SYN3: variants seen among roughly 807,000 people sequenced by gnomAD.
The protein encoded by SYN3 is synapsin-3.
SYN3 carries 35 observed loss-of-function variants against 65.8 expected under a neutral mutation model. The ratio of observed to expected loss-of-function variants is 0.53; its 90% CI spans 0.41 to 0.70. SYN3 has a LOEUF of 0.70. Ranked by LOEUF, SYN3 falls within the 30% of genes least tolerant of loss-of-function variation. The probability of loss-of-function intolerance (pLI) is 0.00; values close to 1 mark genes in which losing one functional copy is unlikely to be tolerated. For missense variants in SYN3, 680 were observed against 749.0 expected (o/e 0.91, Z 1.08); for synonymous variants, 270 against 292.9 (o/e 0.92, Z 0.80).
At position 32,671,912 on chromosome 22, in the gene SYN3, T is replaced by C. The variant is rs16990973; in HGVS notation, c.712-75176A>G. ...TTAGTGTATGCGGAGTCACATTTGTTCTCCAGAGCTTGTTGGATTGGATGA... is the reference window on the plus strand; with the variant it reads ...TTAGTGTATGCGGAGTCACATTTGTCCTCCAGAGCTTGTTGGATTGGATGA... On this transcript the variant is annotated intron_variant, in intron 6 of 13. Coordinates refer to ENST00000358763, the MANE Select transcript of SYN3 (RefSeq NM_003490.4). 3.0e-4 allele frequency among the ~76,000 whole-genome samples: 45 copies of C among 152,348 alleles called. No homozygotes were observed. The East Asian group carries it at 8.7e-3, about 29-fold the overall frequency.
chr22:32,924,761 A>G (rs752817195), intron 4 of SYN3, among the ~76,000 whole-genome samples: 2 of 152,226 alleles, frequency 1.3e-5, no homozygotes, highest in Admixed American at 6.5e-5. Flanking sequence ...AGAGAAATTT[A>G]TTCTCTCATG....
At chr22:32,693,780 C>T (rs773628420) in intron 6 of SYN3, among the ~76,000 whole-genome samples, 38 of 151,448 alleles carry the variant, frequency 2.5e-4, no homozygotes, top group Non-Finnish European at 4.7e-4. Flanking sequence ...TTAGTAGAGA[C>T]GGCATCTCAC....
intron 6 of SYN3, among the ~76,000 whole-genome samples, chr22:32,620,259 T>A (rs1265326105): frequency 6.6e-6 from 1 of 152,180 alleles, no homozygotes; most frequent in Non-Finnish European, 1.5e-5. Context: ...TAGAATATGG[T>A]GTCAAAAGTG....
chr22:32,602,735 C>CTTCCT, intron 6 of SYN3, among the ~76,000 whole-genome samples: 1 of 152,208 alleles, frequency 6.6e-6, no homozygotes, highest in East Asian at 1.9e-4. Context: ...GCTGAGATTA[C>CTTCCT]AGGCGTCAGC....
chr22:32,670,830 T>TA (rs1408046465), intron 6 of SYN3, among the ~76,000 whole-genome samples: 1 of 152,240 alleles, frequency 6.6e-6, no homozygotes, highest in Non-Finnish European at 1.5e-5. Flanking sequence ...ATGAGATGAA[T>TA]GTCTGGAGTA....
intron 13 of SYN3, among the ~76,000 whole-genome samples, chr22:32,516,078 A>G (rs527410334): frequency 3.4e-4 from 52 of 152,320 alleles, no homozygotes; most frequent in Admixed American, 1.9e-3. Flanking sequence ...GATTACAGGC[A>G]TGAGCCATCG....
At chr22:32,953,755 T>C (rs1313602645) in intron 3 of SYN3, among the ~76,000 whole-genome samples, 1 of 152,154 alleles carries the variant, frequency 6.6e-6, no homozygotes, top group African/African-American at 2.4e-5. Context: ...GCATCTTTAC[T>C]ATCCTTATCA....
intron 2 of SYN3, among the ~76,000 whole-genome samples, chr22:33,003,076 T>C (rs2053106564): frequency 6.6e-6 from 1 of 152,214 alleles, no homozygotes; most frequent in Non-Finnish European, 1.5e-5. Flanking sequence ...GCTTCTGCCA[T>C]GATTGTAAGT....
At chr22:32,597,672 G>A (rs2059222312) in intron 6 of SYN3, among the ~76,000 whole-genome samples, 2 of 152,194 alleles carry the variant, frequency 1.3e-5, no homozygotes, top group East Asian at 1.9e-4. Flanking sequence ...CGTGCTGAGC[G>A]ACTGCTCTGC....
At chr22:32,574,437 T>A (rs1374211369) in intron 7 of SYN3, among the ~76,000 whole-genome samples, 1 of 152,100 alleles carries the variant, frequency 6.6e-6, no homozygotes, top group Admixed American at 6.5e-5. Flanking sequence ...TATGATCACG[T>A]CACTGTACTC....
rs894189276 is a variant in SYN3 at position 32,775,225 on chromosome 22, G to A, written c.711+89690C>T. 3.3e-5 allele frequency among the ~76,000 whole-genome samples: 5 copies of A among 152,140 alleles called. No individual in the cohort carries two copies. In the East Asian group the frequency reaches 5.8e-4, roughly 18 times the overall value. ...GGTGGACTAGGGAGCAAGTTCTCTA[G>A]AGTTTCTTCTTATAAGGACACTAAT... On this transcript the variant is annotated intron_variant, in intron 6 of 13. Transcript: ENST00000358763.
chr22:32,592,204 G>A (rs1024686398), intron 7 of SYN3, among the ~76,000 whole-genome samples: 19 of 152,184 alleles, frequency 1.2e-4, no homozygotes, highest in Non-Finnish European at 2.5e-4. Flanking sequence ...GCTGTCTTAT[G>A]TACTGTGGAT....
intron 6 of SYN3, among the ~76,000 whole-genome samples, chr22:32,857,057 CTGTTG>C (rs2048389237): frequency 6.6e-6 from 1 of 152,178 alleles, no homozygotes; most frequent in Non-Finnish European, 1.5e-5. Flanking sequence ...ATCCATTCAT[CTGTTG>C]ATGGGCACTT....
intron 6 of SYN3, among the ~76,000 whole-genome samples, chr22:32,672,591 C>G (rs2147072174): frequency 6.6e-6 from 1 of 152,328 alleles, no homozygotes; most frequent in African/African-American, 2.4e-5. Flanking sequence ...TCTGATCTCT[C>G]CACAGGCTGC....
chr22:32,856,401 G>T (rs2048366726), intron 6 of SYN3, among the ~76,000 whole-genome samples: 1 of 152,096 alleles, frequency 6.6e-6, no homozygotes, highest in Non-Finnish European at 1.5e-5. Context: ...CATCTGGGGT[G>T]AAGGGGGCCC....
intron 4 of SYN3, among the ~76,000 whole-genome samples, chr22:32,904,885 T>C (rs1209052572): frequency 6.6e-6 from 1 of 152,230 alleles, no homozygotes; most frequent in African/African-American, 2.4e-5. Context: ...ATTCTTTGCA[T>C]GCAATGAATT....
At chr22:32,804,718 T>C (rs1230405687) in intron 6 of SYN3, among the ~76,000 whole-genome samples, 1 of 152,144 alleles carries the variant, frequency 6.6e-6, no homozygotes, top group Non-Finnish European at 1.5e-5. Flanking sequence ...TAAAAGGTGT[T>C]TCTATGGCAA....
At chr22:32,811,482 G>C (rs2046913452) in intron 6 of SYN3, among the ~76,000 whole-genome samples, 1 of 152,184 alleles carries the variant, frequency 6.6e-6, no homozygotes, top group Non-Finnish European at 1.5e-5. Flanking sequence ...GGGTCATATA[G>C]AGAGAGCTGA....
intron 6 of SYN3, among the ~76,000 whole-genome samples, chr22:32,684,183 T>C (rs930335357): frequency 6.6e-6 from 1 of 152,320 alleles, no homozygotes; most frequent in South Asian, 2.1e-4. Flanking sequence ...ATCACAGTTC[T>C]TCTGTGAAAT....
Sources: gnomAD v4.1 joint callset for allele counts (sites outside exome capture counted in the v4.1 genomes callset) on GRCh38, gnomAD v4.1.1 for gene constraint, MANE v1.5 for transcripts, NCBI Gene and HGNC (gene_info 2026-07-23, HGNC 2026-07-21) for gene names.